The following RREB1 variants were observed in gnomAD, a reference collection of about 807,000 sequenced individuals.
The protein encoded by RREB1 is ras responsive element binding protein 1.
Under a neutral mutation model 117.8 loss-of-function variants are expected in RREB1, and 27 were observed. The observed-to-expected ratio is 0.23, with a 90% CI of 0.17 to 0.32. The LOEUF (loss-of-function observed/expected upper bound fraction) is 0.32, where lower values mean the gene tolerates loss of function less well. Ranked by LOEUF, RREB1 falls within the 10% of genes least tolerant of loss-of-function variation. The pLI is 1.00. For missense variants in RREB1, 2,577 were observed against 2,378.2 expected, an observed-to-expected ratio of 1.08 and a Z score of -1.74; for synonymous variants, 1,298 against 1,026.7, an observed-to-expected ratio of 1.26 and a Z score of -5.05.
intron 1 of RREB1, among the ~76,000 whole-genome samples, chr6:7,152,634 A>C (rs1763175604): frequency 6.6e-6 from 1 of 152,112 alleles, no homozygotes; most frequent in Admixed American, 6.5e-5. Flanking sequence ...ATGGAATGTG[A>C]CACACCCAGA....
chr6:7,241,144 T>A (rs773543469), intron 11 of RREB1, among the ~76,000 whole-genome samples: 1 of 152,152 alleles, frequency 6.6e-6, no homozygotes, highest in Non-Finnish European at 1.5e-5. Context: ...ATGTCCTTTC[T>A]TTAATCACAT....
At chr6:7,132,502 C>T (rs1055423204) in intron 1 of RREB1, among the ~76,000 whole-genome samples, 1 of 152,212 alleles carries the variant, frequency 6.6e-6, no homozygotes, top group African/African-American at 2.4e-5. Context: ...TTCACTGATG[C>T]CTCCCAAGCG....
At chr6:7,184,666 A>G (rs1764985950) in intron 4 of RREB1, 2 of 152,026 alleles carry the variant, frequency 1.3e-5, no homozygotes, top group Non-Finnish European at 2.9e-5. Flanking sequence ...AGCCTCAGAG[A>G]AGGCTGGGGT....
intron 4 of RREB1, chr6:7,183,348 A>G (rs1046964712): frequency 6.6e-6 from 1 of 152,190 alleles, no homozygotes; most frequent in African/African-American, 2.4e-5. Flanking sequence ...GTGACTATCC[A>G]TCTATCCATC....
intron 8 of RREB1, among the ~76,000 whole-genome samples, chr6:7,223,642 T>A (rs1767409362): frequency 6.6e-6 from 1 of 152,112 alleles, no homozygotes; most frequent in African/African-American, 2.4e-5. Context: ...CTCACCCTTT[T>A]AAAATGTCTA....
chr6:7,131,069 G>A (rs917597275), intron 1 of RREB1, among the ~76,000 whole-genome samples: 1 of 151,268 alleles, frequency 6.6e-6, no homozygotes, highest in Non-Finnish European at 1.5e-5. Context: ...CTCCGGAGTA[G>A]GTGGGACTAC....
At chr6:7,228,136 G>A (rs375426762) in intron 9 of RREB1, among the ~76,000 whole-genome samples, 1 of 152,164 alleles carries the variant, frequency 6.6e-6, no homozygotes, top group African/African-American at 2.4e-5. Context: ...TATCAACAGT[G>A]TTGTTGTTCA....
intron 2 of RREB1, among the ~76,000 whole-genome samples, chr6:7,177,361 T>C (rs1025374433): frequency 2.0e-5 from 3 of 148,498 alleles, no homozygotes; most frequent in Non-Finnish European, 3.0e-5. Flanking sequence ...ATCTCTCTCT[T>C]TTTTTTTTTC....
chr6:7,186,903 G>A (rs1429492234), intron 4 of RREB1, among the ~76,000 whole-genome samples: 1 of 152,198 alleles, frequency 6.6e-6, no homozygotes, highest in Non-Finnish European at 1.5e-5. Context: ...GCTAGCAGTG[G>A]GCAGGGGCAT....
At chr6:7,124,738 A>G (rs1446692870) in intron 1 of RREB1, among the ~76,000 whole-genome samples, 2 of 152,240 alleles carry the variant, frequency 1.3e-5, no homozygotes, top group Non-Finnish European at 2.9e-5. Context: ...ACTAGTTACC[A>G]GCCGCCTAAA....
chr6:7,128,944 G>A (rs568888320), intron 1 of RREB1, among the ~76,000 whole-genome samples: 2 of 152,300 alleles, frequency 1.3e-5, no homozygotes, highest in South Asian at 4.1e-4. Flanking sequence ...ACTCCAGCTT[G>A]GGCAACAGAG....
intron 2 of RREB1, among the ~76,000 whole-genome samples, chr6:7,179,720 A>G (rs969494884): frequency 1.3e-5 from 2 of 152,186 alleles, no homozygotes; most frequent in Admixed American, 6.5e-5. Flanking sequence ...CTTTGTGTCT[A>G]CATGTTTTTT....
At chr6:7,123,675 A>T (rs1761779365) in intron 1 of RREB1, among the ~76,000 whole-genome samples, 1 of 130,584 alleles carries the variant, frequency 7.7e-6, no homozygotes, top group Non-Finnish European at 1.5e-5. Flanking sequence ...CAGTGGCGTG[A>T]CCTCAGCTCA....
At position 7,229,625 on chromosome 6, in the gene RREB1, C is replaced by G; in HGVS notation, c.1526C>G (p.Pro509Arg). 1 of 1,613,044 alleles carries G rather than the reference C, an allele frequency of 6.2e-7. No individual in the cohort carries two copies. Residue 509 changes from proline to arginine, a missense_variant, in exon 10 of 13, where the codon CCA (proline) becomes CGA (arginine). By Grantham distance (103) the Pro-to-Arg change is moderately radical. Coordinates refer to ENST00000379938, the MANE Select transcript of RREB1 (RefSeq NM_001003699.4). This position sits in a 1 kb window ranked among gnomAD's most constrained non-coding sequence, Gnocchi z 4.5. ...TTCAAGCACATGCCCCCTCTGAAGC[C>G]AAAGCCCCTGGTCACACCACGGACG... ...AIFKHMPPLK[P>R]KPLVTPRTVV...
At chr6:7,238,868 G>C (rs1768505854) in intron 10 of RREB1, among the ~76,000 whole-genome samples, 1 of 152,228 alleles carries the variant, frequency 6.6e-6, no homozygotes. Flanking sequence ...TTTAGCTCAG[G>C]AGGGAATCAA....
intron 1 of RREB1, among the ~76,000 whole-genome samples, chr6:7,127,898 G>A (rs1012230214): frequency 1.3e-5 from 2 of 152,072 alleles, no homozygotes; most frequent in African/African-American, 4.8e-5. Context: ...CTTCACTGCA[G>A]CTGAAACAGC....
intron 1 of RREB1, among the ~76,000 whole-genome samples, chr6:7,115,674 T>C (rs1450182508): frequency 6.6e-6 from 1 of 152,098 alleles, no homozygotes; most frequent in Non-Finnish European, 1.5e-5. Context: ...CTCTGCGTTC[T>C]GGTGCTTTTC....
At chr6:7,223,297 C>T (rs934960934) in intron 8 of RREB1, among the ~76,000 whole-genome samples, 1 of 147,116 alleles carries the variant, frequency 6.8e-6, no homozygotes, top group African/African-American at 2.5e-5. Flanking sequence ...CACGATGGCT[C>T]ACGCCTGTAA....
chr6:7,141,425 C>G (rs1342625571), intron 1 of RREB1, among the ~76,000 whole-genome samples: 2 of 152,166 alleles, frequency 1.3e-5, no homozygotes, highest in Non-Finnish European at 2.9e-5. Flanking sequence ...ATAAATTCCT[C>G]TTAGGGAAAG....
Sources: allele counts gnomAD v4.1 joint callset (sites outside exome capture counted in the v4.1 genomes callset), GRCh38; gene constraint gnomAD v4.1.1; non-coding constraint Gnocchi (gnomAD v3.1); transcripts MANE v1.5; gene names NCBI Gene and HGNC (gene_info 2026-07-23, HGNC 2026-07-21).